NAV1: variants seen among roughly 807,000 people sequenced by gnomAD.
NAV1 encodes pore membrane and/or filament interacting like protein 3.
A neutral mutation model predicts 175.2 loss-of-function variants in NAV1; 18 were observed. The ratio of observed to expected loss-of-function variants is 0.10; its 90% CI spans 0.07 to 0.15. The LOEUF is 0.15. NAV1 is among the 10% of genes least tolerant of loss of function. The pLI is 1.00. For synonymous variants in NAV1, 897 were observed against 978.7 expected (o/e 0.92, Z 1.56); for missense variants, 1,731 against 2,436.6 (o/e 0.71, Z 6.10).
chr1:201,788,784 A>C lies in NAV1; in HGVS notation c.3166+146A>C. On this transcript the variant is annotated intron_variant, in intron 10 of 29. Transcript: ENST00000367296. This position sits in a 1 kb window ranked among gnomAD's most constrained non-coding sequence, Gnocchi z 5.7. Reference sequence around the variant, plus strand: ...TGGGCCATTTCAGTTTTTTCTCCCCATCCCTTTGAAGGGTCTGGGGACCCA... The same window carrying C: ...TGGGCCATTTCAGTTTTTTCTCCCCCTCCCTTTGAAGGGTCTGGGGACCCA... 8.2e-6 allele frequency: 8 copies of C among 972,252 alleles called. No homozygotes were observed. Among genetic ancestry groups the C allele is most frequent in the Non-Finnish European group, 1.0e-5 (7 of 673,460 alleles). The allele number at this position is 972,252 out of a possible 1,614,324, so 60.2% of individuals were successfully genotyped here. A position where few individuals can be genotyped will look rare whatever the true frequency, so the allele number is the denominator to read the frequency against.
chr1:201,612,295 A>C (rs1667870315), intron 2 of NAV1, among the ~76,000 whole-genome samples: 1 of 152,064 alleles, frequency 6.6e-6, no homozygotes, highest in Admixed American at 6.6e-5. Flanking sequence ...ACAAAAAATT[A>C]AAAAACAAAA....
intron 3 of NAV1, among the ~76,000 whole-genome samples, chr1:201,768,357 T>C (rs1553269150): frequency 8.9e-6 from 1 of 112,108 alleles, no homozygotes; most frequent in African/African-American, 3.5e-5. Flanking sequence ...AAAGAGTAAG[T>C]ACAGGCATGG....
At chr1:201,583,880 G>A (rs1666945297) in intron 1 of NAV1, among the ~76,000 whole-genome samples, 1 of 152,194 alleles carries the variant, frequency 6.6e-6, no homozygotes, top group Admixed American at 6.5e-5. Flanking sequence ...CAGCTTCCCA[G>A]GGAAACTTGG....
chr1:201,809,276 G>A lies in NAV1; in HGVS notation c.4305+15G>A. The A allele has an allele frequency of 6.2e-7, 1 of 1,612,852 alleles. No individual in the cohort carries two copies. Among genetic ancestry groups the A allele is most frequent in the East Asian group, 2.2e-5 (1 of 44,864 alleles). On this transcript the variant is annotated intron_variant, in intron 21 of 29. Transcript: ENST00000367296. The stretch of plus-strand genomic sequence containing the variant: ...TCATCAAAGGGGTAAGGAACTTCAG[G>A]GAGAGCCACAGTGGGAATGAACAAA...
intron 1 of NAV1, among the ~76,000 whole-genome samples, chr1:201,674,462 G>C (rs1670166991): frequency 6.6e-6 from 1 of 152,070 alleles, no homozygotes; most frequent in Non-Finnish European, 1.5e-5. Flanking sequence ...GAGCCCTCCT[G>C]GAGGCCCTCC....
intron 2 of NAV1, among the ~76,000 whole-genome samples, chr1:201,642,831 G>A (rs189273291): frequency 5.4e-5 from 8 of 148,720 alleles, no homozygotes; most frequent in South Asian, 2.2e-4. Flanking sequence ...GTGCAGTGGC[G>A]CCATCTCGGC....
At chr1:201,761,531 C>T (rs553381464) in intron 3 of NAV1, among the ~76,000 whole-genome samples, 27 of 152,166 alleles carry the variant, frequency 1.8e-4, no homozygotes, top group Non-Finnish European at 3.4e-4. Flanking sequence ...ACTCACTTTG[C>T]GCTCACAGGG....
chr1:201,813,048 A>G lies in NAV1; in HGVS notation c.5222-92A>G. On this transcript the variant is annotated intron_variant, in intron 27 of 29. Transcript: ENST00000367296. This position sits in a 1 kb window ranked among gnomAD's most constrained non-coding sequence, Gnocchi z 4.2. ...TTTCCTTTAATCCTTTGACTGTCAG[A>G]CCCCTCTGCCTGGTACTAAGGAGTA... 1 of 888,358 alleles carries G rather than the reference A, an allele frequency of 1.1e-6. No individual in the cohort carries two copies. Among genetic ancestry groups the G allele is most frequent in the Non-Finnish European group, 1.8e-6 (1 of 557,610 alleles). The allele number at this position is 888,358 out of a possible 1,614,324, so 55.0% of individuals were successfully genotyped here. A position where few individuals can be genotyped will look rare whatever the true frequency, so the allele number is the denominator to read the frequency against.
intron 15 of NAV1, among the ~76,000 whole-genome samples, chr1:201,802,786 AAAAG>A (rs1558183148): frequency 6.6e-6 from 1 of 152,020 alleles, no homozygotes; most frequent in African/African-American, 2.4e-5. Context: ...CTCAAAAAAA[AAAAG>A]AAAGAAAAAG....
At chr1:201,725,819 A>G (rs1406543000) in intron 3 of NAV1, among the ~76,000 whole-genome samples, 1 of 151,396 alleles carries the variant, frequency 6.6e-6, no homozygotes, top group Non-Finnish European at 1.5e-5. Flanking sequence ...TTAACTGGGC[A>G]TGGTGGCATG....
In NAV1 at chr1:201,577,472, ATTTTT is replaced by A. The variant is rs36112197; in HGVS notation, c.-143-11047_-143-11043del. On this transcript the variant is annotated intron_variant, in intron 1 of 33. Coordinates refer to the NAV1 transcript ENST00000685211. ...CTTTGGCATAAGGCCTGAGACTTAG[ATTTTT>A]TTTTTTTTTTTTTTTTTTTGGCTAT... Among the ~76,000 whole-genome samples the A allele has an allele frequency of 4.6e-4, 45 of 97,910 alleles. No homozygotes were observed. The South Asian group carries it at 0.015, about 34-fold the overall frequency. The allele number at this position is 97,910 out of a possible 152,430, so 64.2% of individuals were successfully genotyped here.
At chr1:201,803,558 T>C (rs1308111699) in intron 15 of NAV1, 35 bp from the exon 20 acceptor site, 2 of 1,604,968 alleles carry the variant, frequency 1.2e-6, no homozygotes, top group Admixed American at 1.7e-5. Context: ...TCTCTAAATC[T>C]GTTCTATGTT....
chr1:201,641,064 G>A (rs1668740195), intron 2 of NAV1, among the ~76,000 whole-genome samples: 1 of 152,190 alleles, frequency 6.6e-6, no homozygotes, highest in African/African-American at 2.4e-5. Context: ...CGGGGCCGGG[G>A]AGAAGAGAGG....
rs906733148 is a variant in NAV1, at chr1:201,539,974, G to C, written c.-144+632G>C. On this transcript the variant is annotated intron_variant, in intron 1 of 33. Coordinates refer to the NAV1 transcript ENST00000685211. The surrounding 1 kb of genome is among the most constrained non-coding windows in gnomAD (Gnocchi z 5.6). ...CGGAGAAAGTGGTCCCGGAGGAGAG[G>C]GGAGAGAGGAGAACGCAGAAATTGG... is the stretch of plus-strand genomic sequence containing the variant. Among the ~76,000 whole-genome samples the C allele has an allele frequency of 1.3e-5, 2 of 152,228 alleles. No homozygotes were observed. The highest frequency in any genetic ancestry group is 6.5e-5 in the Admixed American group (1 of 15,284).
At chr1:201,794,860 T>C (rs961863085) in intron 15 of NAV1, 1 of 372,822 alleles carries the variant, frequency 2.7e-6, no homozygotes, top group South Asian at 3.9e-5. Flanking sequence ...AAGACCATCG[T>C]TAAAATAGCC....
In NAV1 at chr1:201,812,353, C is replaced by A. The variant is rs1174623882; in HGVS notation, c.5025-112C>A. On this transcript the variant is annotated intron_variant, in intron 26 of 29. Transcript: ENST00000367296. This position sits in a 1 kb window ranked among gnomAD's most constrained non-coding sequence, Gnocchi z 4.6. ...TCCCCACTATTACTTGAAAAGAAAC[C>A]AAGTAGGCATTAGTGAGAAGCAGGC... The A allele has an allele frequency of 1.5e-5, 16 of 1,071,824 alleles. No individual in the cohort carries two copies. The highest frequency in any genetic ancestry group is 1.6e-5 in the Non-Finnish European group (12 of 729,716). 66.4% of individuals were successfully genotyped at this position (1,071,824 alleles called of 1,614,324 possible). A position where few individuals can be genotyped will look rare whatever the true frequency, so the allele number is the denominator to read the frequency against.
chr1:201,705,819 C>T (rs912953382), intron 1 of NAV1, among the ~76,000 whole-genome samples: 1 of 152,022 alleles, frequency 6.6e-6, no homozygotes, highest in African/African-American at 2.4e-5. Flanking sequence ...CTGTGCTCTA[C>T]CTGAAGGCAG....
intron 15 of NAV1, among the ~76,000 whole-genome samples, chr1:201,802,302 T>A (rs1571507536): frequency 1.7e-5 from 1 of 59,532 alleles, no homozygotes; most frequent in Admixed American, 2.4e-4. Flanking sequence ...TGAAACACCT[T>A]CTCAAAAAAA....
At chr1:201,629,501 T>A in exon 2 of NAV1, 1 of 1,303,604 alleles carries the variant, frequency 7.7e-7, no homozygotes. Context: ...GAGCTTCTCC[T>A]GCATGGGTAA....
Sources: allele counts gnomAD v4.1 joint callset (sites outside exome capture counted in the v4.1 genomes callset), GRCh38; gene constraint gnomAD v4.1.1; non-coding constraint Gnocchi (gnomAD v3.1); transcripts MANE v1.5; gene names NCBI Gene and HGNC (gene_info 2026-07-23, HGNC 2026-07-21).